The following LRRC56 variants were observed in gnomAD, a reference collection of about 807,000 sequenced individuals.
LRRC56 encodes the protein leucine rich repeat containing 56.
LRRC56 carries 41 observed loss-of-function variants against 47.8 expected under a neutral mutation model. The ratio of observed to expected loss-of-function variants is 0.86; its 90% CI spans 0.67 to 1.11. The LOEUF (loss-of-function observed/expected upper bound fraction) is 1.11, where lower values mean the gene tolerates loss of function less well. Among genes scored for constraint, LRRC56 ranks in the 50% most tolerant of loss-of-function variants. The pLI is 0.00. For synonymous variants in LRRC56, 387 were observed against 311.2 expected (o/e 1.24, Z -2.56); for missense variants, 759 against 704.2 (o/e 1.08, Z -0.88).
At chr11:535,012 C>G (rs1024763340), upstream of LRRC56, among the ~76,000 whole-genome samples, 2 of 152,190 alleles carry the variant, frequency 1.3e-5, no homozygotes, top group African/African-American at 4.8e-5. Flanking sequence ...AGGGAAAAGG[C>G]ACTGGGGCTG....
At chr11:532,602 G>A (rs200714754), upstream of LRRC56, 262 of 1,599,584 alleles carry the variant, frequency 1.6e-4, no homozygotes, top group African/African-American at 2.6e-3. Context: ...TCCGGTGGGC[G>A]TGGCGGCCGC....
At chr11:528,252 G>A in the LRRC56 span, among the ~76,000 whole-genome samples, 1 of 152,228 alleles carries the variant, frequency 6.6e-6, no homozygotes, top group East Asian at 1.9e-4. Flanking sequence ...TCACTCCATC[G>A]TAAGGAGGCA....
At chr11:509,948 C>T in the LRRC56 span, among the ~76,000 whole-genome samples, 1 of 151,714 alleles carries the variant, frequency 6.6e-6, no homozygotes, top group Non-Finnish European at 1.5e-5. Context: ...TATTCCCACC[C>T]CCAGTTTTAT....
rs769295353 is a variant in LRRC56 at position 537,530 on chromosome 11, G to A, written c.-497G>A. The A allele has an allele frequency of 5.3e-5, 8 of 152,332 alleles. No individual in the cohort carries two copies. The highest frequency in any genetic ancestry group is 1.2e-4 in the African/African-American group (5 of 41,460). 9.4% of individuals were successfully genotyped at this position (152,332 alleles called of 1,614,324 possible). On this transcript the variant is annotated 5_prime_UTR_variant, in exon 1 of 14. Coordinates refer to ENST00000270115, the MANE Select transcript of LRRC56 (RefSeq NM_198075.4). The stretch of plus-strand genomic sequence containing the variant: ...GCGGCGGCCGGAAGAACAGCCTGGA[G>A]TAGGAGACAGCGCCTGGAGGTGGAG...
At chr11:543,950 G>A (rs553497840) in intron 5 of LRRC56, among the ~76,000 whole-genome samples, 6 of 152,182 alleles carry the variant, frequency 3.9e-5, no homozygotes, top group South Asian at 2.1e-4. Flanking sequence ...GGGTTTCACC[G>A]TGTTAACCAG....
the LRRC56 span, among the ~76,000 whole-genome samples, chr11:511,139 G>A: frequency 6.6e-6 from 1 of 151,366 alleles, no homozygotes; most frequent in East Asian, 2.0e-4. Context: ...GGCTAACACG[G>A]TAAAACCGCG....
chr11:551,147 A>G lies in LRRC56; in HGVS notation c.641A>G (p.Asn214Ser), dbSNP rs1220192032. The change falls in exon 9 of 14, where the codon AAC (asparagine) becomes AGC (serine). Residue 214 changes from asparagine (N) to serine (S), a missense_variant. Coordinates refer to ENST00000270115, the MANE Select transcript of LRRC56 (RefSeq NM_198075.4). ...CCCCTGCAGGTGCCCAGGGGCTACA[A>G]CTACAGGGCAGAGGTGAGGAAGCTC... ...GPTNKVPRGY[N>S]YRAEVRKLIP... 7 of 1,495,460 alleles carry G rather than the reference A, an allele frequency of 4.7e-6. No homozygotes were observed. The highest frequency in any genetic ancestry group is 2.8e-5 in the African/African-American group (2 of 71,030). 92.6% of individuals were successfully genotyped at this position (1,495,460 alleles called of 1,614,324 possible). A position where few individuals can be genotyped will look rare whatever the true frequency, so the allele number is the denominator to read the frequency against.
At chr11:519,195 G>A in the LRRC56 span, among the ~76,000 whole-genome samples, 8 of 152,250 alleles carry the variant, frequency 5.3e-5, no homozygotes, top group Admixed American at 4.6e-4. Context: ...TCACCCCTGA[G>A]CCGCGCGCAT....
chr11:516,308 A>G, the LRRC56 span, among the ~76,000 whole-genome samples: 16 of 151,946 alleles, frequency 1.1e-4, no homozygotes, highest in African/African-American at 3.9e-4. Flanking sequence ...TACAAGAATC[A>G]CTTGAGCCCC....
At chr11:553,760 C>T (rs1190412054) in intron 13 of LRRC56, among the ~76,000 whole-genome samples, 1 of 152,184 alleles carries the variant, frequency 6.6e-6, no homozygotes, top group East Asian at 1.9e-4. Context: ...CCTTGCCTGC[C>T]CCAGAGGTGG....
rs557846022 is a variant in LRRC56 at position 551,205 on chromosome 11, G to A, written c.699G>A (p.Pro233=). Residue 233 remains proline (P), a synonymous_variant, in exon 9 of 14, where the codon CCG becomes CCA. Coordinates refer to ENST00000270115, the MANE Select transcript of LRRC56 (RefSeq NM_198075.4). ...IPQLQVLDEV[P]AAHTGPPAPP... Reference sequence around the variant, plus strand: ...AGCTGCAGGTCCTGGACGAAGTGCCGGCCGCACACACAGGCCCACCGGCCC... The same window carrying A: ...AGCTGCAGGTCCTGGACGAAGTGCCAGCCGCACACACAGGCCCACCGGCCC... The A allele has an allele frequency of 4.8e-4, 745 of 1,546,068 alleles. 3 individuals carry two copies. Among genetic ancestry groups the A allele is most frequent in the East Asian group, 3.8e-3 (155 of 40,598 alleles).
chr11:508,984 G>A, the LRRC56 span, among the ~76,000 whole-genome samples: 3 of 152,182 alleles, frequency 2.0e-5, no homozygotes, highest in Non-Finnish European at 4.4e-5. Context: ...GGCAGAGGTT[G>A]CAGTGAGCCA....
At chr11:547,190 C>A (rs1852126305) in intron 6 of LRRC56, among the ~76,000 whole-genome samples, 1 of 151,926 alleles carries the variant, frequency 6.6e-6, no homozygotes, top group African/African-American at 2.4e-5. Context: ...TGAGATCGCG[C>A]CACTGCACTC....
In LRRC56 at chr11:551,357, G is replaced by A; in HGVS notation, c.796+55G>A. 3 of 1,197,480 alleles carry A rather than the reference G, an allele frequency of 2.5e-6. No individual in the cohort carries two copies. The South Asian group carries it at 4.5e-5, about 18-fold the overall frequency. 74.2% of individuals were successfully genotyped at this position (1,197,480 alleles called of 1,614,324 possible). A position where few individuals can be genotyped will look rare whatever the true frequency, so the allele number is the denominator to read the frequency against. The stretch of plus-strand genomic sequence containing the variant: ...GCTGAGCCCCAGCTCCCCCCAGGAA[G>A]AGGCCCCCACCCCAGGCTTCTCAGA... On this transcript the variant is annotated intron_variant, in intron 9 of 13. Transcript: ENST00000270115.
chr11:544,631 C>A, intron 5 of LRRC56, 89 bp from the exon 6 acceptor site: 2 of 1,361,516 alleles, frequency 1.5e-6, no homozygotes, highest in Non-Finnish European at 2.1e-6. Flanking sequence ...AGTGAGGGGC[C>A]GGGGGTGCTG....
the LRRC56 span, among the ~76,000 whole-genome samples, chr11:527,256 G>A: frequency 1.3e-5 from 2 of 151,478 alleles, no homozygotes; most frequent in African/African-American, 2.4e-5. Context: ...AGCTGAGATC[G>A]CGCCACTGCA....
chr11:544,519 C>G (rs1851976233), intron 5 of LRRC56, among the ~76,000 whole-genome samples: 2 of 152,150 alleles, frequency 1.3e-5, no homozygotes, highest in Admixed American at 1.3e-4. Flanking sequence ...ATCAGCAGAC[C>G]CCTTTGGTGG....
chr11:515,943 G>A, the LRRC56 span, among the ~76,000 whole-genome samples: 4 of 152,172 alleles, frequency 2.6e-5, no homozygotes, highest in Admixed American at 6.5e-5. Flanking sequence ...ACCATTTGTT[G>A]CTAAGATTCT....
At chr11:534,144 C>G (rs1032892476), upstream of LRRC56, 2 of 1,340,400 alleles carry the variant, frequency 1.5e-6, no homozygotes, top group Non-Finnish European at 2.1e-6. Context: ...GCAGCCAGCC[C>G]TATCCTGGCT....
Sources: gnomAD v4.1 joint callset for allele counts (sites outside exome capture counted in the v4.1 genomes callset) on GRCh38, gnomAD v4.1.1 for gene constraint, MANE v1.5 for transcripts, NCBI Gene and HGNC (gene_info 2026-07-23, HGNC 2026-07-21) for gene names.